The following YME1L1 variants were observed in gnomAD, a reference collection of about 807,000 sequenced individuals.
The protein encoded by YME1L1 is YME1 like 1 ATPase.
A neutral mutation model predicts 90.4 loss-of-function variants in YME1L1; 39 were observed. That is an observed-to-expected ratio of 0.43 (90% CI 0.33 to 0.56). YME1L1 has a LOEUF of 0.56. Among genes scored for constraint, YME1L1 ranks in the 20% least tolerant of loss-of-function variants. YME1L1 has a pLI of 0.03. For missense variants in YME1L1, 617 were observed against 868.4 expected, an observed-to-expected ratio of 0.71 and a Z score of 3.64; for synonymous variants, 284 against 287.3, an observed-to-expected ratio of 0.99 and a Z score of 0.12.
intron 8 of YME1L1, chr10:27,129,288 A>C (rs1010803390): frequency 2.0e-5 from 3 of 152,148 alleles, no homozygotes; most frequent in African/African-American, 7.2e-5. Flanking sequence ...GTTTTCAAAT[A>C]ATCACTGCAC....
intron 9 of YME1L1, among the ~76,000 whole-genome samples, chr10:27,125,093 A>G (rs2056903648): frequency 6.6e-6 from 1 of 152,212 alleles, no homozygotes; most frequent in South Asian, 2.1e-4. Flanking sequence ...AACAAGCATT[A>G]AAAAGGAGTG....
intron 4 of YME1L1, among the ~76,000 whole-genome samples, chr10:27,137,104 A>G (rs1158126468): frequency 6.6e-6 from 1 of 151,970 alleles, no homozygotes; most frequent in Non-Finnish European, 1.5e-5. Flanking sequence ...TGGTAATTAC[A>G]TAATGTTTTT....
At chr10:27,147,282 C>T in intron 2 of YME1L1, 3 of 761,604 alleles carry the variant, frequency 3.9e-6, no homozygotes, top group Non-Finnish European at 6.3e-6. Flanking sequence ...CTGCTTCAGG[C>T]CAGGAGTTCG....
chr10:27,111,421 T>G lies in YME1L1; in HGVS notation c.*556A>C, dbSNP rs2056757693. On this transcript the variant is annotated 3_prime_UTR_variant, in exon 19 of 19. Coordinates refer to ENST00000376016, the MANE Select transcript of YME1L1 (RefSeq NM_014263.4). ...GTTGGCCAGGCTGGTCTCGAACTCC[T>G]GGCCTCAAGCAATCCACCCGCCTCA... 1 of 162,968 alleles carries G rather than the reference T, an allele frequency of 6.1e-6. No homozygotes were observed. The highest frequency in any genetic ancestry group is 2.4e-5 in the African/African-American group (1 of 41,482). 10.1% of individuals were successfully genotyped at this position (162,968 alleles called of 1,614,324 possible).
At chr10:27,145,382 AAT>A (rs1354299986) in intron 3 of YME1L1, 44 bp downstream of exon 3, 2 of 1,457,924 alleles carry the variant, frequency 1.4e-6, no homozygotes, top group East Asian at 4.7e-5. Flanking sequence ...TATAATTATT[AAT>A]AGTGCTAAAA....
intron 2 of YME1L1, 113 bp downstream of exon 2, chr10:27,148,793 T>TTTGAG: frequency 7.1e-7 from 1 of 1,410,992 alleles, no homozygotes; most frequent in Non-Finnish European, 9.7e-7. Context: ...GAGTCAAAAA[T>TTTGAG]TATACTCAAA....
intron 10 of YME1L1, among the ~76,000 whole-genome samples, chr10:27,123,238 T>C (rs1326932465): frequency 2.0e-5 from 3 of 152,184 alleles, no homozygotes; most frequent in African/African-American, 7.2e-5. Context: ...TTGAAGCTAA[T>C]TACTCCTTAA....
rs1588616427 is a variant in YME1L1 at position 27,147,788 on chromosome 10, CTGGCTCCTGGCGTGCACAA to C, written c.168+1099_168+1117del. 7.9e-6 allele frequency: 11 copies of C among 1,387,682 alleles called. No individual in the cohort carries two copies. In the East Asian group the frequency reaches 2.7e-4, roughly 35 times the overall value. 86.0% of individuals were successfully genotyped at this position (1,387,682 alleles called of 1,614,324 possible). On this transcript the variant is annotated intron_variant, in intron 2 of 18. Transcript: ENST00000376016. ...GTCAATTGTGCAGTTTCACCAAACC[CTGGCTCCTGGCGTGCACAA>C]TGGCCAGCAGGACCTAGCAGCTTCC...
At position 27,128,645 on chromosome 10, in the gene YME1L1, C is replaced by G. The variant is rs141456758; in HGVS notation, c.859-1859G>C. Among the ~76,000 whole-genome samples, 198 of 152,026 alleles carry G rather than the reference C, an allele frequency of 1.3e-3. 1 individual carries two copies. In the East Asian group the frequency reaches 0.033, roughly 25 times the overall value. ...ATCAGCTGGGCTTGGTGGCTGATGCCTATAATCCCAGCACTTTGGGAGGCA... is the reference window on the plus strand; with the variant it reads ...ATCAGCTGGGCTTGGTGGCTGATGCGTATAATCCCAGCACTTTGGGAGGCA... On this transcript the variant is annotated intron_variant, in intron 8 of 18. Transcript: ENST00000376016.
intron 7 of YME1L1, among the ~76,000 whole-genome samples, chr10:27,132,752 G>A (rs1244599508): frequency 6.6e-6 from 1 of 151,988 alleles, no homozygotes; most frequent in Non-Finnish European, 1.5e-5. Flanking sequence ...CCCAGGAGGA[G>A]GAGGTTGCAG....
Position 27,154,161 on chromosome 10 carries a change from C to A in YME1L1, c.33+17G>T. 1 of 1,583,996 alleles carries A rather than the reference C, an allele frequency of 6.3e-7. No homozygotes were observed. On this transcript the variant is annotated intron_variant, in intron 1 of 18. Transcript: ENST00000376016. ...GCAGGGCGGGAGGAAAAAAAATGGG[C>A]TGAATGCCTGGCTTACCTGGGGTTG...
chr10:27,136,565 C>G (rs1329175515), intron 4 of YME1L1, among the ~76,000 whole-genome samples, 180 bp from the exon 5 acceptor site: 2 of 152,108 alleles, frequency 1.3e-5, no homozygotes, highest in Non-Finnish European at 2.9e-5. Context: ...TTTTATTGCC[C>G]AGGCTGGCCT....
chr10:27,134,763 T>G, intron 6 of YME1L1, 68 bp downstream of exon 6: 2 of 1,533,418 alleles, frequency 1.3e-6, no homozygotes, highest in Non-Finnish European at 1.8e-6. Context: ...TACTTAAAAC[T>G]TAAATGTAGG....
At chr10:27,145,331 G>A in intron 3 of YME1L1, 97 bp downstream of exon 3, 10 of 979,864 alleles carry the variant, frequency 1.0e-5, no homozygotes, top group South Asian at 6.5e-5. Flanking sequence ...AAAGAACCCA[G>A]CCCACAATAA....
Position 27,136,298 on chromosome 10 carries a change from T to C in YME1L1, c.518A>G (p.Asn173Ser). ...TACCTTCACGAATGATGGCGCTATA[T>C]TCTGTGTTTCAGCTAATCTCTCGGA... ...STSERLAETQNIAPSFVKGFL... is the reference protein window; with the variant it reads ...STSERLAETQSIAPSFVKGFL... The change falls in exon 5 of 19, where the codon AAT (asparagine) becomes AGT (serine). Residue 173 changes from asparagine to serine, a missense_variant. Asn to Ser is a conservative substitution (Grantham distance 46). Around this residue, in one of 4 missense-constraint regions of YME1L1, gnomAD observed 311 missense variants for 335.8 expected, o/e 0.93. Transcript: ENST00000376016. 2 of 1,613,232 alleles carry C rather than the reference T, an allele frequency of 1.2e-6. No homozygotes were observed. Among genetic ancestry groups the C allele is most frequent in the African/African-American group, 2.7e-5 (2 of 74,890 alleles).
intron 15 of YME1L1, 54 bp from the exon 16 acceptor site, chr10:27,116,399 T>C (rs906065268): frequency 6.3e-7 from 1 of 1,597,086 alleles, no homozygotes; most frequent in African/African-American, 1.4e-5. Context: ...CTGGGTGCGG[T>C]GGCTCACGCC....
At chr10:27,139,435 T>A (rs914592273) in intron 4 of YME1L1, among the ~76,000 whole-genome samples, 9 of 152,174 alleles carry the variant, frequency 5.9e-5, no homozygotes, top group African/African-American at 2.2e-4. Context: ...CCCAAAGTGT[T>A]GGGATTACAG....
In YME1L1 at chr10:27,116,124, C is replaced by T; in HGVS notation, c.1856G>A (p.Ser619Asn). The T allele has an allele frequency of 6.2e-7, 1 of 1,613,930 alleles. No homozygotes were observed. The highest frequency in any genetic ancestry group is 8.5e-7 in the Non-Finnish European group (1 of 1,179,930). Residue 619 changes from serine (S) to asparagine (N), a missense_variant, in exon 17 of 19, where the codon AGT (serine) becomes AAT (asparagine). Physicochemically the swap from Ser to Asn is conservative, Grantham distance 46 (BLOSUM62 1). This residue lies in a region of YME1L1 where 212 missense variants were observed against 330.0 expected (regional missense o/e 0.64). Coordinates refer to ENST00000376016, the MANE Select transcript of YME1L1 (RefSeq NM_014263.4). ...GTDHITTGAS[S>N]DFDNATKIAK... is the part of the protein sequence containing the mutation. ...TATTTTAGTGGCATTATCAAAATCA[C>T]TGGAAGCACCTAAAATAAAATAAAA...
chr10:27,139,359 A>G (rs1225160889), intron 4 of YME1L1, among the ~76,000 whole-genome samples: 1 of 151,984 alleles, frequency 6.6e-6, no homozygotes, highest in Non-Finnish European at 1.5e-5. Context: ...ACGACGGGCT[A>G]ATTTTTGTTG....
Sources: gnomAD v4.1 joint callset for allele counts (sites outside exome capture counted in the v4.1 genomes callset) on GRCh38, gnomAD v4.1.1 for gene constraint, gnomAD v4.1.1 regional missense constraint, MANE v1.5 for transcripts, NCBI Gene and HGNC (gene_info 2026-07-23, HGNC 2026-07-21) for gene names.